Variants in SLC29A4 observed in about 807,000 individuals in gnomAD.
The protein encoded by SLC29A4 is equilibrative nucleoside transporter 4.
Under a neutral mutation model 43.9 loss-of-function variants are expected in SLC29A4, and 36 were observed. The observed-to-expected ratio is 0.82, with a 90% CI of 0.63 to 1.08. SLC29A4 has a LOEUF of 1.08. SLC29A4 is among the 50% of genes least tolerant of loss of function. The pLI is 0.00. For missense variants in SLC29A4, 869 were observed against 755.3 expected, an observed-to-expected ratio of 1.15 and a Z score of -1.77; for synonymous variants, 491 against 338.0, an observed-to-expected ratio of 1.45 and a Z score of -4.97.
At chr7:5,294,092 C>A (rs1024372095) in intron 5 of SLC29A4, among the ~76,000 whole-genome samples, 2 of 149,312 alleles carry the variant, frequency 1.3e-5, no homozygotes, top group South Asian at 2.2e-4. Flanking sequence ...GACGACAGTG[C>A]GAGGCTCTAT....
At position 5,297,035 on chromosome 7, in the gene SLC29A4, C is replaced by G. The variant is rs751640994; in HGVS notation, c.719C>G (p.Ala240Gly). 3.7e-6 allele frequency: 6 copies of G among 1,606,560 alleles called. No homozygotes were observed. Among genetic ancestry groups the G allele is most frequent in the African/African-American group, 1.3e-5 (1 of 74,814 alleles). Residue 240 changes from alanine to glycine, a missense_variant, in exon 7 of 11, where the codon GCG becomes GGG. Ala to Gly is a moderately conservative substitution (Grantham distance 60). Coordinates refer to ENST00000396872, the MANE Select transcript of SLC29A4 (RefSeq NM_153247.4). ...CTCATCTTCTTCCTGGTGTCGGTGG[C>G]GCTGGAGCTGCTGTGTTTCCTGCTG... ...STLIFFLVSV[A>G]LELLCFLLHL...
At chr7:5,287,431 AAG>A (rs1399094480) in intron 1 of SLC29A4, among the ~76,000 whole-genome samples, 1 of 151,796 alleles carries the variant, frequency 6.6e-6, no homozygotes, top group African/African-American at 2.4e-5. Flanking sequence ...AAAAAAAAAA[AAG>A]AAAAAAAAGA....
chr7:5,299,783 G>T (rs1013416876), intron 9 of SLC29A4, among the ~76,000 whole-genome samples: 1 of 152,248 alleles, frequency 6.6e-6, no homozygotes, highest in Admixed American at 6.5e-5. Flanking sequence ...AGGTGCAGTG[G>T]CTTATGCCTG....
intron 7 of SLC29A4, 45 bp downstream of exon 7, chr7:5,297,243 T>A (rs748066000): frequency 5.6e-6 from 8 of 1,416,452 alleles, no homozygotes; most frequent in Admixed American, 2.6e-5. Context: ...TGTCCCCTTC[T>A]CTGTCCCCAC....
Position 5,285,414 on chromosome 7 carries a change from C to G in SLC29A4, c.-9+2332C>G, listed in dbSNP as rs996752643. Among the ~76,000 whole-genome samples the G allele has an allele frequency of 2.0e-4, 30 of 152,212 alleles. 1 individual carries two copies. The highest frequency in any genetic ancestry group is 7.3e-5 in the Non-Finnish European group (5 of 68,042). On this transcript the variant is annotated intron_variant, in intron 1 of 10. Transcript: ENST00000396872. ...ACCGCCTCTCCCCTGGTAGTGGGTA[C>G]CAATTACCTGCGTTGGCCCCCAGCT...
At chr7:5,292,084 A>G (rs1785348558) in intron 5 of SLC29A4, among the ~76,000 whole-genome samples, 1 of 152,186 alleles carries the variant, frequency 6.6e-6, no homozygotes. Context: ...AGGGCTTCAA[A>G]GACTGTTCTG....
chr7:5,300,554 T>C lies in SLC29A4; in HGVS notation c.1342T>C (p.Trp448Arg). 6.2e-7 allele frequency: 1 copy of C among 1,612,380 alleles called. No individual in the cohort carries two copies. Among genetic ancestry groups the C allele is most frequent in the Non-Finnish European group, 8.5e-7 (1 of 1,179,738 alleles). The stretch of plus-strand genomic sequence containing the variant: ...CATGCCCGCCCTCCGTCACCCCGCC[T>C]GGCCCTGCATCTTCTCACTGCTCAT... Reference protein sequence around the residue: ...SGMPALRHPAWPCIFSLLMGI... With the variant: ...SGMPALRHPARPCIFSLLMGI... The change falls in exon 10 of 11, where the codon TGG becomes CGG. Residue 448 changes from tryptophan to arginine, a missense_variant. By Grantham distance (101) the Trp-to-Arg change is moderately radical. Coordinates refer to ENST00000396872, the MANE Select transcript of SLC29A4 (RefSeq NM_153247.4).
At chr7:5,292,123 G>C (rs576900982) in intron 5 of SLC29A4, among the ~76,000 whole-genome samples, 10 of 152,246 alleles carry the variant, frequency 6.6e-5, no homozygotes, top group African/African-American at 2.4e-4. Flanking sequence ...TGTTTATCTT[G>C]GGCAATGGCT....
At chr7:5,289,013 T>C (rs150740714) in intron 2 of SLC29A4, among the ~76,000 whole-genome samples, 2 of 152,304 alleles carry the variant, frequency 1.3e-5, no homozygotes, top group African/African-American at 4.8e-5. Context: ...AGAATCTTGC[T>C]TGGGCCTGTC....
Position 5,290,100 on chromosome 7 carries a change from T to C in SLC29A4, c.170-632T>C, listed in dbSNP as rs1396131865. 1.5e-4 allele frequency among the ~76,000 whole-genome samples: 21 copies of C among 143,384 alleles called. No individual in the cohort carries two copies. In the East Asian group the frequency reaches 1.6e-3, roughly 11 times the overall value. The allele number at this position is 143,384 out of a possible 152,430, so 94.1% of individuals were successfully genotyped here. ...ACGGAGTCTCACTCTGTCGCCCAGG[T>C]TGGAGTGCAGTGGCGCGATCTCGGC... On this transcript the variant is annotated intron_variant, in intron 2 of 10. Coordinates refer to ENST00000396872, the MANE Select transcript of SLC29A4 (RefSeq NM_153247.4).
chr7:5,290,208 C>T (rs1454959998), intron 2 of SLC29A4, among the ~76,000 whole-genome samples: 1 of 152,164 alleles, frequency 6.6e-6, no homozygotes, highest in Non-Finnish European at 1.5e-5. Context: ...CGCCCACTAC[C>T]ATGCCTGGCT....
chr7:5,290,935 C>A, intron 3 of SLC29A4, 72 bp downstream of exon 3: 1 of 1,557,664 alleles, frequency 6.4e-7, no homozygotes. Context: ...CAGAAACCCC[C>A]GGCGGGGAGG....
chr7:5,297,027 G>A lies in SLC29A4; in HGVS notation c.711G>A (p.Val237=), dbSNP rs1410156962. Residue 237 remains valine (V), a synonymous_variant, in exon 7 of 11, where the codon GTG becomes GTA. Coordinates refer to ENST00000396872, the MANE Select transcript of SLC29A4 (RefSeq NM_153247.4). ...CCAGCACGCTCATCTTCTTCCTGGT[G>A]TCGGTGGCGCTGGAGCTGCTGTGTT... The part of the protein sequence containing the change: ...ERASTLIFFL[V]SVALELLCFL... 1.9e-6 allele frequency: 3 copies of A among 1,606,604 alleles called. No individual in the cohort carries two copies. Among genetic ancestry groups the A allele is most frequent in the Middle Eastern group, 2.0e-4 (1 of 5,050 alleles).
intron 10 of SLC29A4, among the ~76,000 whole-genome samples, chr7:5,301,883 A>G (rs1422537592): frequency 6.6e-6 from 1 of 152,182 alleles, no homozygotes; most frequent in Non-Finnish European, 1.5e-5. Context: ...GGGACTTGGT[A>G]CGTTCCAGGT....
chr7:5,297,542 C>T (rs936103505), intron 7 of SLC29A4, among the ~76,000 whole-genome samples: 3 of 152,206 alleles, frequency 2.0e-5, no homozygotes, highest in African/African-American at 2.4e-5. Flanking sequence ...TGGGACAGCC[C>T]ACGTTCATTC....
chr7:5,295,390 C>T (rs1386182243), intron 6 of SLC29A4, among the ~76,000 whole-genome samples: 3 of 152,204 alleles, frequency 2.0e-5, no homozygotes, highest in South Asian at 2.1e-4. Flanking sequence ...GTCTCACGGG[C>T]TTCTCAAACT....
rs1388437870 is a variant in SLC29A4 at position 5,299,394 on chromosome 7, G to T, written c.1176G>T (p.Met392Ile). 1 of 1,612,196 alleles carries T rather than the reference G, an allele frequency of 6.2e-7. No individual in the cohort carries two copies. Among genetic ancestry groups the T allele is most frequent in the Non-Finnish European group, 8.5e-7 (1 of 1,179,796 alleles). ...ILGEWLPILI[M>I]AVFNLSDFVG... ...GCGAGTGGCTGCCCATCCTCATCAT[G>T]GCTGTGTTCAACCTGTCAGACTTCG... Residue 392 changes from methionine (M) to isoleucine (I), a missense_variant, in exon 9 of 11, where the codon ATG becomes ATT. By Grantham distance (10) the Met-to-Ile change is conservative. Coordinates refer to ENST00000396872, the MANE Select transcript of SLC29A4 (RefSeq NM_153247.4).
At chr7:5,291,319 G>C in intron 4 of SLC29A4, 82 bp downstream of exon 4, 1 of 1,302,848 alleles carries the variant, frequency 7.7e-7, no homozygotes, top group Non-Finnish European at 1.1e-6. Flanking sequence ...CAGTTTCCCT[G>C]AGCCTCACTC....
In SLC29A4 at chr7:5,297,009, G is replaced by T. The variant is rs546535904; in HGVS notation, c.693G>T (p.Thr231=). The change falls in exon 7 of 11, where the codon ACG becomes ACT. Residue 231 remains threonine (T), a synonymous_variant. Transcript: ENST00000396872. ...KLLLPDERAS[T]LIFFLVSVAL... ...TGCTGCCCGACGAGCGCGCCAGCAC[G>T]CTCATCTTCTTCCTGGTGTCGGTGG... The T allele has an allele frequency of 8.1e-6, 13 of 1,605,258 alleles. No homozygotes were observed. The South Asian group carries it at 8.8e-5, about 11-fold the overall frequency.
Sources: gnomAD v4.1 joint callset for allele counts (sites outside exome capture counted in the v4.1 genomes callset) on GRCh38, gnomAD v4.1.1 for gene constraint, MANE v1.5 for transcripts, NCBI Gene and HGNC (gene_info 2026-07-23, HGNC 2026-07-21) for gene names.